SMOC1: variants seen among roughly 807,000 people sequenced by gnomAD.
SMOC1 encodes SPARC related modular calcium binding 1.
A neutral mutation model predicts 56.3 loss-of-function variants in SMOC1; 22 were observed. That is an observed-to-expected ratio of 0.39 (90% CI 0.28 to 0.56). SMOC1 has a LOEUF of 0.56. SMOC1 is among the 20% of genes least tolerant of loss of function. SMOC1 has a pLI of 0.61. For synonymous variants in SMOC1, 193 were observed against 215.0 expected (o/e 0.90, Z 0.89); for missense variants, 509 against 565.4 (o/e 0.90, Z 1.01).
intron 3 of SMOC1, among the ~76,000 whole-genome samples, chr14:69,973,479 A>G (rs1319504843): frequency 2.0e-5 from 3 of 152,136 alleles, no homozygotes; most frequent in Non-Finnish European, 1.5e-5. Context: ...GGCTCCTCAG[A>G]AAGTAGTGTT....
intron 1 of SMOC1, among the ~76,000 whole-genome samples, chr14:69,902,212 A>G (rs917251962): frequency 3.3e-5 from 5 of 152,236 alleles, no homozygotes; most frequent in African/African-American, 9.6e-5. Flanking sequence ...TTTGGTCACT[A>G]TGAAGGAAAA....
intron 4 of SMOC1, among the ~76,000 whole-genome samples, chr14:69,977,564 C>A (rs982263150): frequency 2.6e-5 from 4 of 152,110 alleles, no homozygotes; most frequent in African/African-American, 9.7e-5. Context: ...AAACATGGAA[C>A]TGGTGAGAAG....
intron 1 of SMOC1, among the ~76,000 whole-genome samples, chr14:69,888,919 T>G (rs1883885924): frequency 6.6e-6 from 1 of 152,160 alleles, no homozygotes; most frequent in South Asian, 2.1e-4. Flanking sequence ...CTCCTTCACT[T>G]CCTCCTTCCA....
intron 11 of SMOC1, among the ~76,000 whole-genome samples, chr14:70,026,176 T>C (rs1390640144): frequency 6.6e-6 from 1 of 152,186 alleles, no homozygotes; most frequent in East Asian, 1.9e-4. Flanking sequence ...CGCTTGGAAT[T>C]TGTGGTCCTT....
chr14:70,027,890 C>T (rs960818576), intron 11 of SMOC1, among the ~76,000 whole-genome samples: 4 of 152,216 alleles, frequency 2.6e-5, no homozygotes, highest in African/African-American at 9.6e-5. Flanking sequence ...CCCTCCATCC[C>T]TCTGCTCTGC....
intron 3 of SMOC1, 28 bp downstream of exon 3, chr14:69,953,560 T>G: frequency 6.3e-7 from 1 of 1,593,228 alleles, no homozygotes; most frequent in South Asian, 1.1e-5. Flanking sequence ...CCTCTTGGGC[T>G]CTTTCCTGGA....
At chr14:69,969,955 C>T (rs1883700337) in intron 3 of SMOC1, among the ~76,000 whole-genome samples, 1 of 152,106 alleles carries the variant, frequency 6.6e-6, no homozygotes, top group Non-Finnish European at 1.5e-5. Context: ...TGGGCACCTG[C>T]AGAGAGACTG....
intron 3 of SMOC1, among the ~76,000 whole-genome samples, chr14:69,966,816 A>G (rs1234075279): frequency 6.6e-6 from 1 of 152,226 alleles, no homozygotes; most frequent in Non-Finnish European, 1.5e-5. Flanking sequence ...GAATCCACAG[A>G]AAGACTTGAA....
chr14:69,893,767 CT>C (rs370753741), intron 1 of SMOC1, among the ~76,000 whole-genome samples: 61 of 152,274 alleles, frequency 4.0e-4, no homozygotes, highest in African/African-American at 1.4e-3. Flanking sequence ...ATTCTATCTC[CT>C]TCAAATTCAT....
intron 1 of SMOC1, among the ~76,000 whole-genome samples, chr14:69,891,386 A>G (rs1241443008): frequency 6.6e-6 from 1 of 152,220 alleles, no homozygotes. Context: ...TACATTTTTC[A>G]TAAGATATTA....
At chr14:69,949,554 G>A (rs1416548910) in intron 1 of SMOC1, among the ~76,000 whole-genome samples, 1 of 152,248 alleles carries the variant, frequency 6.6e-6, no homozygotes, top group Non-Finnish European at 1.5e-5. Context: ...AATGAAGTGT[G>A]AGAGAGTATT....
chr14:70,009,928 G>GTGGT (rs1251924732), intron 7 of SMOC1, among the ~76,000 whole-genome samples: 1 of 152,220 alleles, frequency 6.6e-6, no homozygotes, highest in Non-Finnish European at 1.5e-5. Flanking sequence ...GGCAGGCTAA[G>GTGGT]TGGTTGATTG....
chr14:69,928,970 A>G (rs1388490395), intron 1 of SMOC1, among the ~76,000 whole-genome samples: 1 of 152,188 alleles, frequency 6.6e-6, no homozygotes, highest in Non-Finnish European at 1.5e-5. Flanking sequence ...AGGAATGACC[A>G]TCTGGAAGTC....
At chr14:69,887,302 A>G (rs1883836158) in intron 1 of SMOC1, among the ~76,000 whole-genome samples, 1 of 152,254 alleles carries the variant, frequency 6.6e-6, no homozygotes, top group Non-Finnish European at 1.5e-5. Flanking sequence ...TGCTATGAAA[A>G]GCATAGTAAA....
Position 69,952,220 on chromosome 14 carries a change from G to A in SMOC1, c.182G>A (p.Arg61Lys). 2.5e-6 allele frequency: 4 copies of A among 1,614,170 alleles called. No individual in the cohort carries two copies. Among genetic ancestry groups the A allele is most frequent in the Non-Finnish European group, 3.4e-6 (4 of 1,180,020 alleles). Residue 61 changes from arginine (R) to lysine (K), a missense_variant, in exon 2 of 12, where the codon AGG (arginine) becomes AAG (lysine). Physicochemically the swap from Arg to Lys is conservative, Grantham distance 26 (BLOSUM62 2). This residue lies in a region of SMOC1 where 315 missense variants were observed against 333.1 expected (regional missense o/e 0.95). Coordinates refer to ENST00000361956, the MANE Select transcript of SMOC1 (RefSeq NM_001034852.3). Reference sequence around the variant, plus strand: ...AAACCCATCTGTGCCTCTGATGGCAGGTCCTACGAGTCCATGTGTGAGTAC... The same window carrying A: ...AAACCCATCTGTGCCTCTGATGGCAAGTCCTACGAGTCCATGTGTGAGTAC... ...QPKPICASDG[R>K]SYESMCEYQR...
intron 11 of SMOC1, among the ~76,000 whole-genome samples, chr14:70,026,993 T>C (rs753978025): frequency 5.9e-5 from 9 of 152,044 alleles, no homozygotes; most frequent in East Asian, 5.8e-4. Flanking sequence ...GAAGAGGGTA[T>C]GTAGGATTAA....
intron 3 of SMOC1, among the ~76,000 whole-genome samples, chr14:69,962,570 T>TTTTTC (rs781633947): frequency 1.3e-5 from 2 of 151,926 alleles, no homozygotes. Flanking sequence ...CTTTTTTTCT[T>TTTTTC]TTTTCTTTTC....
chr14:69,913,327 A>C (rs1884603460), intron 1 of SMOC1, among the ~76,000 whole-genome samples: 1 of 152,154 alleles, frequency 6.6e-6, no homozygotes, highest in Non-Finnish European at 1.5e-5. Flanking sequence ...TGTACTCCTT[A>C]CCAGCTTCCT....
intron 1 of SMOC1, among the ~76,000 whole-genome samples, chr14:69,949,023 G>A (rs1882897152): frequency 6.6e-6 from 1 of 152,158 alleles, no homozygotes; most frequent in African/African-American, 2.4e-5. Context: ...GTCAAAAACT[G>A]TTGACCAAGC....
Sources: gnomAD v4.1 joint callset for allele counts (sites outside exome capture counted in the v4.1 genomes callset) on GRCh38, gnomAD v4.1.1 for gene constraint, gnomAD v4.1.1 regional missense constraint, MANE v1.5 for transcripts, NCBI Gene and HGNC (gene_info 2026-07-23, HGNC 2026-07-21) for gene names.